VPS36: variants seen among roughly 807,000 people sequenced by gnomAD.
The protein encoded by VPS36 is vacuolar protein sorting 36 homolog, also known as vacuolar protein-sorting-associated protein 36.
VPS36 carries 31 observed loss-of-function variants against 63.5 expected under a neutral mutation model. The observed-to-expected ratio is 0.49, with a 90% CI of 0.37 to 0.66. The LOEUF (loss-of-function observed/expected upper bound fraction) is 0.66, where lower values mean the gene tolerates loss of function less well. Ranked by LOEUF, VPS36 falls within the 30% of genes least tolerant of loss-of-function variation. The pLI is 0.00. For synonymous variants in VPS36, 138 were observed against 157.2 expected (o/e 0.88, Z 0.91); for missense variants, 338 against 463.7 (o/e 0.73, Z 2.49).
At chr13:52,439,774 T>A (rs1212356012) in intron 2 of VPS36, among the ~76,000 whole-genome samples, 1 of 152,066 alleles carries the variant, frequency 6.6e-6, no homozygotes, top group South Asian at 2.1e-4. Flanking sequence ...AAGAGTAATA[T>A]TTCTATGAAA....
In VPS36 at chr13:52,415,385, G is replaced by A. The variant is rs114095999; in HGVS notation, c.*445C>T. On this transcript the variant is annotated 3_prime_UTR_variant, in exon 14 of 14. Transcript: ENST00000378060. ...GACTGCTTCTAAAAGCCCTGGGGAG[G>A]AGCCTCATATAGCATGCTGCAGTAT... 3.3e-3 allele frequency: 506 copies of A among 154,408 alleles called. 3 individuals are homozygous for A. The highest frequency in any genetic ancestry group is 0.012 in the African/African-American group (486 of 41,588). The allele number at this position is 154,408 out of a possible 1,614,324, so 9.6% of individuals were successfully genotyped here. A position where few individuals can be genotyped will look rare whatever the true frequency, so the allele number is the denominator to read the frequency against.
At chr13:52,422,970 G>A (rs750789016) in intron 10 of VPS36, among the ~76,000 whole-genome samples, 3 of 152,088 alleles carry the variant, frequency 2.0e-5, no homozygotes, top group Non-Finnish European at 2.9e-5. Flanking sequence ...TGGTGATAGC[G>A]AATGTTTCTG....
At position 52,416,029 on chromosome 13, in the gene VPS36, A is replaced by G; in HGVS notation, c.1055T>C (p.Leu352Pro). 6.2e-7 allele frequency: 1 copy of G among 1,614,038 alleles called. No homozygotes were observed. Among genetic ancestry groups the G allele is most frequent in the Non-Finnish European group, 8.5e-7 (1 of 1,179,984 alleles). The change falls in exon 13 of 14, where the codon CTA becomes CCA. Residue 352 changes from leucine to proline, a missense_variant. Transcript: ENST00000378060. Reference sequence around the variant, plus strand: ...GAACCTTACTTACCTTTCTTTGGCTAGGAGGACAGACATTCCCACAAGCTT... The same window carrying G: ...GAACCTTACTTACCTTTCTTTGGCTGGGAGGACAGACATTCCCACAAGCTT... ...FAKLVGMSVL[L>P]AKERLLLAEK...
intron 1 of VPS36, chr13:52,449,971 G>T (rs1256711133): frequency 1.0e-6 from 1 of 985,564 alleles, no homozygotes; most frequent in Admixed American, 6.1e-5. Context: ...TCACCCCTCT[G>T]CCCAGATATG....
chr13:52,444,454 C>T (rs888979743), intron 1 of VPS36, among the ~76,000 whole-genome samples: 4 of 146,748 alleles, frequency 2.7e-5, no homozygotes, highest in South Asian at 2.1e-4. Context: ...AGCAAGACTC[C>T]GTTTAAAAAA....
At chr13:52,447,222 T>C (rs1190494559) in intron 1 of VPS36, among the ~76,000 whole-genome samples, 1 of 152,128 alleles carries the variant, frequency 6.6e-6, no homozygotes, top group Non-Finnish European at 1.5e-5. Context: ...GACATTCAGA[T>C]TGCTTCCAAT....
chr13:52,450,267 T>C (rs749448687), intron 1 of VPS36: 690 of 1,136,176 alleles, frequency 6.1e-4, no homozygotes, highest in Non-Finnish European at 7.3e-4. Flanking sequence ...CTGGGAACCG[T>C]GCCAAAGTTG....
chr13:52,446,284 A>C (rs865936753), intron 1 of VPS36, among the ~76,000 whole-genome samples: 2 of 151,514 alleles, frequency 1.3e-5, no homozygotes, highest in South Asian at 4.2e-4. Flanking sequence ...AAAAAAAAGT[A>C]CATAATGCTG....
chr13:52,433,584 G>A, intron 6 of VPS36, 78 bp downstream of exon 6: 1 of 1,108,226 alleles, frequency 9.0e-7, no homozygotes, highest in Non-Finnish European at 1.3e-6. Flanking sequence ...AATTACAGAA[G>A]GGAATTAGGC....
intron 6 of VPS36, among the ~76,000 whole-genome samples, chr13:52,432,050 T>A (rs1288450541): frequency 6.6e-6 from 1 of 151,748 alleles, no homozygotes; most frequent in Non-Finnish European, 1.5e-5. Flanking sequence ...TAATGACATG[T>A]TAAAAAAAAC....
intron 1 of VPS36, among the ~76,000 whole-genome samples, chr13:52,447,546 G>A (rs1266478270): frequency 6.6e-6 from 1 of 152,186 alleles, no homozygotes; most frequent in Non-Finnish European, 1.5e-5. Context: ...CATGAAAACT[G>A]TGCCTGTATA....
At chr13:52,434,921 G>T in intron 4 of VPS36, 39 bp from the exon 5 acceptor site, 1 of 1,481,914 alleles carries the variant, frequency 6.7e-7, no homozygotes, top group Non-Finnish European at 9.3e-7. Context: ...GACTCAGTCA[G>T]ATTGTAACAT....
intron 11 of VPS36, 70 bp downstream of exon 11, chr13:52,417,922 T>G: frequency 7.3e-7 from 1 of 1,373,604 alleles, no homozygotes; most frequent in Non-Finnish European, 1.0e-6. Flanking sequence ...CAAACTTGGC[T>G]GGGCTTTCCC....
intron 1 of VPS36, among the ~76,000 whole-genome samples, chr13:52,443,703 T>C (rs1958304734): frequency 6.6e-6 from 1 of 152,204 alleles, no homozygotes; most frequent in Non-Finnish European, 1.5e-5. Flanking sequence ...ATTCAAAATA[T>C]AAATTTTTAA....
chr13:52,429,449 G>A (rs1958134372), intron 6 of VPS36: 1 of 218,928 alleles, frequency 4.6e-6, no homozygotes, highest in Non-Finnish European at 7.7e-6. Flanking sequence ...AGAAGTTAGG[G>A]ATCATGTTAT....
chr13:52,428,690 C>T (rs909883052), intron 6 of VPS36, among the ~76,000 whole-genome samples: 11 of 152,136 alleles, frequency 7.2e-5, no homozygotes, highest in Admixed American at 2.0e-4. Flanking sequence ...ATAAAACACA[C>T]ATTTTGCACA....
intron 10 of VPS36, among the ~76,000 whole-genome samples, chr13:52,422,898 A>G (rs115889222): frequency 1.7e-4 from 26 of 152,160 alleles, no homozygotes; most frequent in African/African-American, 6.3e-4. Flanking sequence ...GTTCCCACAT[A>G]TTTTCGAGGG....
At chr13:52,438,039 G>A (rs1490552938) in intron 3 of VPS36, among the ~76,000 whole-genome samples, 2 of 152,130 alleles carry the variant, frequency 1.3e-5, no homozygotes, top group African/African-American at 4.8e-5. Flanking sequence ...GAGGGGCTGG[G>A]AACTAAAGAG....
intron 6 of VPS36, among the ~76,000 whole-genome samples, chr13:52,432,885 T>C (rs1353800677): frequency 6.6e-6 from 1 of 152,240 alleles, no homozygotes; most frequent in Non-Finnish European, 1.5e-5. Flanking sequence ...TTTAAATAAC[T>C]ATTTGTAGTT....
Sources: allele counts gnomAD v4.1 joint callset (sites outside exome capture counted in the v4.1 genomes callset), GRCh38; gene constraint gnomAD v4.1.1; transcripts MANE v1.5; gene names NCBI Gene and HGNC (gene_info 2026-07-23, HGNC 2026-07-21).